CHRAC1: variants seen among roughly 807,000 people sequenced by gnomAD.
CHRAC1 encodes chromatin accessibility complex subunit 1, also known as chromatin accessibility complex protein 1.
In CHRAC1, 6 loss-of-function variants were observed where a neutral mutation model predicts 9.1. The ratio of observed to expected loss-of-function variants is 0.66; its 90% CI spans 0.36 to 1.29. The LOEUF (loss-of-function observed/expected upper bound fraction) is 1.29. Among genes scored for constraint, CHRAC1 ranks in the 50% most tolerant of loss-of-function variants. CHRAC1 has a pLI of 0.03. For synonymous variants in CHRAC1, 73 were observed against 64.5 expected (o/e 1.13, Z -0.63); for missense variants, 168 against 163.5 (o/e 1.03, Z -0.15).
At chr8:140,514,775 T>A (rs1162276867) in intron 2 of CHRAC1, 1 of 353,612 alleles carries the variant, frequency 2.8e-6, no homozygotes, top group Non-Finnish European at 5.1e-6. Flanking sequence ...ACAGGGACCC[T>A]GCCTGCCACT....
In CHRAC1 at chr8:140,515,663, T is replaced by G. The variant is rs2072327669; in HGVS notation, c.*416T>G. The G allele has an allele frequency of 6.5e-6, 1 of 153,984 alleles. No individual in the cohort carries two copies. The highest frequency in any genetic ancestry group is 2.0e-4 in the South Asian group (1 of 4,928). 9.5% of individuals were successfully genotyped at this position (153,984 alleles called of 1,614,324 possible). ...AGTTCTTATAAACAGCTCGATTCAG[T>G]TTTAGCTAAATTTATAGTTTAGGTA... On this transcript the variant is annotated 3_prime_UTR_variant, in exon 3 of 3. Coordinates refer to ENST00000220913, the MANE Select transcript of CHRAC1 (RefSeq NM_017444.6).
In CHRAC1 at chr8:140,515,431, A is replaced by C. The variant is rs141694086; in HGVS notation, c.*184A>C. 2,920 of 500,592 alleles carry C rather than the reference A, an allele frequency of 5.8e-3. 62 individuals are homozygous for C. The highest frequency in any genetic ancestry group is 0.049 in the African/African-American group (2,485 of 51,168). 31.0% of individuals were successfully genotyped at this position (500,592 alleles called of 1,614,324 possible). A position where few individuals can be genotyped will look rare whatever the true frequency, so the allele number is the denominator to read the frequency against. Reference sequence around the variant, plus strand: ...AGCACCTCATGTACCTACGCCACAGACAGCCAGAGGGAAAGCGACCCAGAC... The same window carrying C: ...AGCACCTCATGTACCTACGCCACAGCCAGCCAGAGGGAAAGCGACCCAGAC... On this transcript the variant is annotated 3_prime_UTR_variant, in exon 3 of 3. Transcript: ENST00000220913.
At chr8:140,512,150 C>T (rs1230570699) in intron 1 of CHRAC1, 2 of 558,120 alleles carry the variant, frequency 3.6e-6, no homozygotes, top group Non-Finnish European at 5.6e-6. Flanking sequence ...GCGCTCTTCT[C>T]ATTTGGGTTC....
Position 140,515,337 on chromosome 8 carries a change from C to T in CHRAC1, c.*90C>T, listed in dbSNP as rs1065653. 1.1e-4 allele frequency: 149 copies of T among 1,339,146 alleles called. No homozygotes were observed. Among genetic ancestry groups the T allele is most frequent in the Middle Eastern group, 1.9e-4 (1 of 5,322 alleles). 83.0% of individuals were successfully genotyped at this position (1,339,146 alleles called of 1,614,324 possible). A position where few individuals can be genotyped will look rare whatever the true frequency, so the allele number is the denominator to read the frequency against. ...TAAACACAGCACTGCCCGCTTTTAG[C>T]GTCTTCACTTCTTCACAGAGTTCCA... On this transcript the variant is annotated 3_prime_UTR_variant, in exon 3 of 3. Transcript: ENST00000220913.
intron 1 of CHRAC1, chr8:140,511,904 C>A: frequency 1.0e-6 from 1 of 991,868 alleles, no homozygotes; most frequent in East Asian, 5.2e-5. Flanking sequence ...GCCTACCGCG[C>A]GCCTCTCCCG....
In CHRAC1 at chr8:140,515,578, C is replaced by T. The variant is rs566241628; in HGVS notation, c.*331C>T. On this transcript the variant is annotated 3_prime_UTR_variant, in exon 3 of 3. Transcript: ENST00000220913. ...CAATTTTAACTTTTCAATTTACAGT[C>T]GATTTTGAAGAGCTTCTACATATCG... The T allele has an allele frequency of 1.1e-4, 21 of 184,042 alleles. No homozygotes were observed. The highest frequency in any genetic ancestry group is 1.1e-3 in the Admixed American group (19 of 16,802). The allele number at this position is 184,042 out of a possible 1,614,324, so 11.4% of individuals were successfully genotyped here. A position where few individuals can be genotyped will look rare whatever the true frequency, so the allele number is the denominator to read the frequency against.
chr8:140,512,291 G>A lies in CHRAC1; in HGVS notation c.147+645G>A, dbSNP rs138537283. Among the ~76,000 whole-genome samples the A allele has an allele frequency of 8.5e-3, 1,295 of 152,068 alleles. 19 individuals carry two copies. Among genetic ancestry groups the A allele is most frequent in the African/African-American group, 0.03 (1,240 of 41,470 alleles). ...AGGGGCAGCCGGGCGCTTCACCCGC[G>A]ACTCGAGGCTCTTTTCCCGCGCGTG... On this transcript the variant is annotated intron_variant, in intron 1 of 2. Transcript: ENST00000220913.
Position 140,514,437 on chromosome 8 carries a change from GACTT to G in CHRAC1, c.219_222del (p.Tyr74ValfsTer3), listed in dbSNP as rs747535003. The G allele has an allele frequency of 6.3e-7, 1 of 1,583,442 alleles. No individual in the cohort carries two copies. The highest frequency in any genetic ancestry group is 1.2e-5 in the South Asian group (1 of 84,928). ...GCAGTGGAAAGGAAAAGAAAGTACT[GACTT>G]ACAGTGATTTAGCAAACACTGCACA... On this transcript the variant is annotated frameshift_variant, in exon 2 of 3. Transcript: ENST00000220913. LOFTEE classifies it high-confidence loss of function.
chr8:140,515,000 T>C, intron 2 of CHRAC1, 126 bp from the exon 3 acceptor site: 2 of 928,248 alleles, frequency 2.2e-6, no homozygotes, highest in South Asian at 3.4e-5. Context: ...AAATGCAGCC[T>C]GAATTTCATC....
Position 140,517,058 on chromosome 8 carries a change from T to C in CHRAC1, c.*1811T>C, listed in dbSNP as rs1360533000. Reference sequence around the variant, plus strand: ...AACTGAAACTTGAGTTTTGTGTAATTTTCATGTGTCATGAAATACTGTTTT... The same window carrying C: ...AACTGAAACTTGAGTTTTGTGTAATCTTCATGTGTCATGAAATACTGTTTT... On this transcript the variant is annotated 3_prime_UTR_variant, in exon 3 of 3. Transcript: ENST00000220913. 6.6e-6 allele frequency: 1 copy of C among 152,256 alleles called. No homozygotes were observed. The allele number at this position is 152,256 out of a possible 1,614,324, so 9.4% of individuals were successfully genotyped here.
Position 140,516,755 on chromosome 8 carries a change from C to A in CHRAC1, c.*1508C>A, listed in dbSNP as rs1216364163. 2 of 152,216 alleles carry A rather than the reference C, an allele frequency of 1.3e-5. No individual in the cohort carries two copies. The highest frequency in any genetic ancestry group is 2.4e-5 in the African/African-American group (1 of 41,442). 9.4% of individuals were successfully genotyped at this position (152,216 alleles called of 1,614,324 possible). ...AAATGCAGTCAAGTCACTACCACCACCACAATTAACAGCTATATCACCCTC... is the reference window on the plus strand; with the variant it reads ...AAATGCAGTCAAGTCACTACCACCAACACAATTAACAGCTATATCACCCTC... On this transcript the variant is annotated 3_prime_UTR_variant, in exon 3 of 3. Coordinates refer to ENST00000220913, the MANE Select transcript of CHRAC1 (RefSeq NM_017444.6).
chr8:140,512,275 C>T (rs750656764), intron 1 of CHRAC1, among the ~76,000 whole-genome samples: 1 of 152,028 alleles, frequency 6.6e-6, no homozygotes, highest in East Asian at 1.9e-4. Flanking sequence ...GAGGGGCAGC[C>T]GGGCGCTTCA....
chr8:140,512,603 A>G (rs1413292175), intron 1 of CHRAC1, among the ~76,000 whole-genome samples: 1 of 152,166 alleles, frequency 6.6e-6, no homozygotes, highest in East Asian at 1.9e-4. Context: ...TCTATTTTCC[A>G]GTCCCTACTT....
chr8:140,514,263 A>G (rs2072311644), intron 1 of CHRAC1, 106 bp from the exon 2 acceptor site: 1 of 1,218,026 alleles, frequency 8.2e-7, no homozygotes, highest in South Asian at 1.5e-5. Flanking sequence ...AAGTCTTAAT[A>G]TACTTTTAAG....
intron 1 of CHRAC1, among the ~76,000 whole-genome samples, chr8:140,513,085 T>C (rs111756532): frequency 1.3e-5 from 2 of 152,354 alleles, no homozygotes; most frequent in East Asian, 1.9e-4. Flanking sequence ...CCCAAAGTGC[T>C]GGGATTACAG....
intron 1 of CHRAC1, chr8:140,512,067 CCT>C: frequency 7.9e-7 from 1 of 1,259,754 alleles, no homozygotes; most frequent in Non-Finnish European, 1.0e-6. Context: ...GTCCCTCCCA[CCT>C]GTGCGCTCAC....
intron 1 of CHRAC1, chr8:140,512,117 C>A: frequency 1.1e-6 from 1 of 944,770 alleles, no homozygotes; most frequent in Non-Finnish European, 1.4e-6. Flanking sequence ...TCCGGCCCTA[C>A]CCGTGGGCGT....
chr8:140,513,484 G>A (rs7843604), intron 1 of CHRAC1, among the ~76,000 whole-genome samples: 4,892 of 151,974 alleles, frequency 0.032, 240 homozygotes, highest in African/African-American at 0.099. Flanking sequence ...CGCCCAGGCT[G>A]GAGTGCAGTG....
intron 2 of CHRAC1, 39 bp downstream of exon 2, chr8:140,514,534 AGT>A: frequency 6.7e-7 from 1 of 1,496,154 alleles, no homozygotes; most frequent in Non-Finnish European, 8.9e-7. Flanking sequence ...AAAAATGATT[AGT>A]AATCAATAGC....
Sources: gnomAD v4.1 joint callset for allele counts (sites outside exome capture counted in the v4.1 genomes callset) on GRCh38, gnomAD v4.1.1 for gene constraint, MANE v1.5 for transcripts, NCBI Gene and HGNC (gene_info 2026-07-23, HGNC 2026-07-21) for gene names.